SPATA13: variants seen among roughly 807,000 people sequenced by gnomAD.
SPATA13 encodes the protein spermatogenesis associated 13.
A neutral mutation model predicts 104.0 loss-of-function variants in SPATA13; 50 were observed. The observed-to-expected ratio is 0.48, with a 90% CI of 0.38 to 0.61. The LOEUF is 0.61. Ranked by LOEUF, SPATA13 falls within the 20% of genes least tolerant of loss-of-function variation. The pLI is 0.00. For synonymous variants in SPATA13, 606 were observed against 667.5 expected (o/e 0.91, Z 1.42); for missense variants, 1,524 against 1,690.6 (o/e 0.90, Z 1.73).
Position 24,203,355 on chromosome 13 carries a change from T to C in SPATA13, c.-111-19464T>C, listed in dbSNP as rs567771854. ...GGGGAAGAAGGGGAAGAAATACTGA[T>C]AATATAGCACTCAACTTTTTAAGTA... On this transcript the variant is annotated intron_variant, in intron 1 of 12. Coordinates refer to ENST00000382108, the MANE Select transcript of SPATA13 (RefSeq NM_001166271.3). Among the ~76,000 whole-genome samples, 10 of 152,232 alleles carry C rather than the reference T, an allele frequency of 6.6e-5. No individual in the cohort carries two copies. The South Asian group carries it at 1.2e-3, about 19-fold the overall frequency.
upstream of SPATA13, among the ~76,000 whole-genome samples, chr13:24,159,765 TG>T (rs1882390775): frequency 6.6e-6 from 1 of 152,394 alleles, no homozygotes; most frequent in South Asian, 2.1e-4. Flanking sequence ...ATATAATTTT[TG>T]TTTTTTATTT....
intron 4 of SPATA13, among the ~76,000 whole-genome samples, chr13:24,276,018 A>T (rs1383965942): frequency 6.6e-6 from 1 of 152,248 alleles, no homozygotes; most frequent in Non-Finnish European, 1.5e-5. Context: ...GAGAAATTGG[A>T]ACTGTTGCGC....
intron 2 of SPATA13, among the ~76,000 whole-genome samples, chr13:24,010,915 G>A (rs1876444050): frequency 6.6e-6 from 1 of 151,274 alleles, no homozygotes; most frequent in South Asian, 2.1e-4. Flanking sequence ...TCAAATGGTT[G>A]CTAAATGCTT....
At chr13:24,137,742 CTT>C (rs1161989184) in intron 3 of SPATA13, among the ~76,000 whole-genome samples, 1 of 152,134 alleles carries the variant, frequency 6.6e-6, no homozygotes. Context: ...CTGGGAGTGA[CTT>C]CAACAGAGTG....
intron 2 of SPATA13, among the ~76,000 whole-genome samples, chr13:23,999,367 C>CAAAAAAAA (rs1491475536): frequency 1.5e-4 from 1 of 6,568 alleles, no homozygotes; most frequent in Non-Finnish European, 4.2e-4. Flanking sequence ...TCATTTTCTA[C>CAAAAAAAA]CAAAAAAAAA....
chr13:24,275,530 A>G (rs2138705846), intron 4 of SPATA13, among the ~76,000 whole-genome samples: 1 of 152,372 alleles, frequency 6.6e-6, no homozygotes, highest in South Asian at 2.1e-4. Context: ...TGTTGTAGAA[A>G]GAGCCTGCTC....
intron 3 of SPATA13, among the ~76,000 whole-genome samples, chr13:24,054,935 TTAGC>T (rs1385467883): frequency 1.3e-5 from 2 of 152,244 alleles, no homozygotes; most frequent in Admixed American, 6.5e-5. Flanking sequence ...TTAAGTCAAT[TTAGC>T]TAGCTACCTT....
At chr13:24,115,911 T>G (rs1880819181) in intron 3 of SPATA13, among the ~76,000 whole-genome samples, 1 of 152,242 alleles carries the variant, frequency 6.6e-6, no homozygotes, top group East Asian at 1.9e-4. Context: ...ACAGTTTTCC[T>G]GTCCTTACAA....
At position 24,181,925 on chromosome 13, in the gene SPATA13, G is replaced by A. The variant is rs367985564; in HGVS notation, c.-112+20993G>A. ...AGGTCAGGAGTTCGAGACCAGCCTG[G>A]TCAACATGGTGAAACCCCATCTCTA... On this transcript the variant is annotated intron_variant, in intron 1 of 12. Coordinates refer to ENST00000382108, the MANE Select transcript of SPATA13 (RefSeq NM_001166271.3). Among the ~76,000 whole-genome samples, 7 of 152,132 alleles carry A rather than the reference G, an allele frequency of 4.6e-5. No homozygotes were observed. The East Asian group carries it at 1.2e-3, about 25-fold the overall frequency.
At chr13:24,278,863 G>A in intron 4 of SPATA13, 1 of 1,487,566 alleles carries the variant, frequency 6.7e-7, no homozygotes, top group Admixed American at 2.3e-5. Context: ...AAGTCCACAT[G>A]CTGTTTTTCT....
intron 4 of SPATA13, among the ~76,000 whole-genome samples, chr13:24,272,086 G>A (rs747308671): frequency 2.2e-4 from 34 of 152,252 alleles, no homozygotes; most frequent in Non-Finnish European, 4.6e-4. Flanking sequence ...AAGCGGACGT[G>A]CGGGTGCTCC....
Position 24,223,986 on chromosome 13 carries a change from G to T in SPATA13, c.1057G>T (p.Ala353Ser), listed in dbSNP as rs1871773810. ...SPGEASLRLQ[A>S]HSRLHDDYSR... Reference sequence around the variant, plus strand: ...TGGAGAGGCCAGCCTGAGACTTCAGGCACACAGCCGGCTGCATGACGACTA... The same window carrying T: ...TGGAGAGGCCAGCCTGAGACTTCAGTCACACAGCCGGCTGCATGACGACTA... The change falls in exon 2 of 13, where the codon GCA (alanine) becomes TCA (serine). Residue 353 changes from alanine (A) to serine (S), a missense_variant. Ala to Ser is a moderately conservative substitution (Grantham distance 99). Around this residue, in one of 2 missense-constraint regions of SPATA13, gnomAD observed 1,089 missense variants for 1,135.9 expected, o/e 0.96. Coordinates refer to ENST00000382108, the MANE Select transcript of SPATA13 (RefSeq NM_001166271.3). 1 of 1,548,730 alleles carries T rather than the reference G, an allele frequency of 6.5e-7. No homozygotes were observed.
At chr13:23,991,631 A>G (rs1248114857) in intron 2 of SPATA13, among the ~76,000 whole-genome samples, 1 of 152,160 alleles carries the variant, frequency 6.6e-6, no homozygotes, top group Non-Finnish European at 1.5e-5. Context: ...ACTCATGTTC[A>G]TAGCAAGTCC....
chr13:24,262,403 A>G (rs9580908), intron 4 of SPATA13, among the ~76,000 whole-genome samples: 1,842 of 151,872 alleles, frequency 0.012, 34 homozygotes, highest in African/African-American at 0.043. Context: ...ATCAGATCAC[A>G]CCACGTTTCT....
chr13:24,170,099 C>T (rs1400307115), intron 1 of SPATA13, among the ~76,000 whole-genome samples: 1 of 152,184 alleles, frequency 6.6e-6, no homozygotes. Context: ...TTCAGTTTAC[C>T]ACATTAGGCC....
At chr13:24,126,212 G>C (rs1220584595) in intron 3 of SPATA13, among the ~76,000 whole-genome samples, 1 of 152,210 alleles carries the variant, frequency 6.6e-6, no homozygotes, top group African/African-American at 2.4e-5. Context: ...ATGGGGGCAG[G>C]AGCCATGGGG....
At position 24,236,791 on chromosome 13, in the gene SPATA13, G is replaced by A. The variant is rs113550673; in HGVS notation, c.1653+12209G>A. Among the ~76,000 whole-genome samples, 361 of 152,148 alleles carry A rather than the reference G, an allele frequency of 2.4e-3. 3 individuals carry two copies. The highest frequency in any genetic ancestry group is 8.4e-3 in the African/African-American group (348 of 41,476). ...TGGAACCCTTGTGCATTGCTGGTGG[G>A]AAAATAAAATGATGGTACGGCTGCT... On this transcript the variant is annotated intron_variant, in intron 2 of 12. Transcript: ENST00000382108.
intron 3 of SPATA13, among the ~76,000 whole-genome samples, chr13:24,044,237 T>C (rs905077010): frequency 9.2e-4 from 101 of 109,934 alleles, no homozygotes; most frequent in African/African-American, 2.9e-3. Flanking sequence ...TTCTTTCTTT[T>C]TTTTTTTTTT....
chr13:24,300,358 T>C (rs1223013055), intron 11 of SPATA13, 43 bp from the exon 12 acceptor site: 1 of 1,536,696 alleles, frequency 6.5e-7, no homozygotes, highest in African/African-American at 1.4e-5. Flanking sequence ...CTGAAACATG[T>C]CCACGTGTTC....
Sources: allele counts gnomAD v4.1 joint callset (sites outside exome capture counted in the v4.1 genomes callset), GRCh38; gene constraint gnomAD v4.1.1; regional missense constraint gnomAD v4.1.1; transcripts MANE v1.5; gene names NCBI Gene and HGNC (gene_info 2026-07-23, HGNC 2026-07-21).